The following BEAN1 variants were observed in gnomAD, a reference collection of about 807,000 sequenced individuals.
BEAN1 encodes the protein brain expressed associated with NEDD4 1.
In BEAN1, 17 loss-of-function variants were observed where a neutral mutation model predicts 17.7. The observed-to-expected ratio is 0.96, with a 90% CI of 0.66 to 1.44. BEAN1 has a LOEUF of 1.44. Ranked by LOEUF, BEAN1 falls within the 40% of genes most tolerant of loss-of-function variation. The pLI, the probability that BEAN1 is intolerant of heterozygous loss-of-function variation, is 0.00. For synonymous variants in BEAN1, 142 were observed against 151.8 expected (o/e 0.94, Z 0.47); for missense variants, 359 against 374.1 (o/e 0.96, Z 0.33).
chr16:66,494,649 T>G (rs1294621887), downstream of BEAN1, among the ~76,000 whole-genome samples: 4 of 152,204 alleles, frequency 2.6e-5, no homozygotes, highest in African/African-American at 7.2e-5. Flanking sequence ...GACAACTGGA[T>G]GTGTAGTACA....
intron 4 of BEAN1, among the ~76,000 whole-genome samples, chr16:66,490,123 G>C (rs1210128313): frequency 6.8e-6 from 1 of 146,386 alleles, no homozygotes; most frequent in African/African-American, 2.5e-5. Context: ...GCTCATGCCT[G>C]TAATCTCAGC....
At chr16:66,485,103 G>C (rs1414996138), downstream of BEAN1, 3 of 454,158 alleles carry the variant, frequency 6.6e-6, no homozygotes, top group East Asian at 2.1e-4. Context: ...AGGGCGGAAG[G>C]AGGGTTGATA....
downstream of BEAN1, chr16:66,485,920 C>T (rs1285255032): frequency 6.6e-6 from 1 of 152,300 alleles, no homozygotes; most frequent in Non-Finnish European, 1.5e-5. Flanking sequence ...CAACTTGAAT[C>T]TTCATGAGCA....
intron 3 of BEAN1, 160 bp downstream of exon 3, chr16:66,470,025 C>T: frequency 9.8e-7 from 1 of 1,016,926 alleles, no homozygotes; most frequent in Non-Finnish European, 1.4e-6. Flanking sequence ...AGGCGCCCAC[C>T]ATAATGTTCT....
intron 2 of BEAN1, among the ~76,000 whole-genome samples, chr16:66,445,331 C>T (rs1371771315): frequency 1.3e-5 from 2 of 151,656 alleles, no homozygotes; most frequent in African/African-American, 4.9e-5. Context: ...AAAAAATTAG[C>T]CGGGCGTGGT....
intron 2 of BEAN1, among the ~76,000 whole-genome samples, chr16:66,450,256 C>T (rs1962620387): frequency 6.6e-6 from 1 of 152,192 alleles, no homozygotes. Context: ...TGATGAAACA[C>T]ATGCAGGAGA....
chr16:66,444,834 G>T (rs73592637), intron 2 of BEAN1, among the ~76,000 whole-genome samples: 3,760 of 152,274 alleles, frequency 0.025, 150 homozygotes, highest in African/African-American at 0.087. Context: ...CGGCACTGTG[G>T]CGGGAGCATT....
At chr16:66,440,910 T>C (rs1231259913) in intron 2 of BEAN1, among the ~76,000 whole-genome samples, 1 of 152,134 alleles carries the variant, frequency 6.6e-6, no homozygotes, top group East Asian at 1.9e-4. Flanking sequence ...TGAACCTCAG[T>C]TCCCCTCCTA....
Position 66,434,785 on chromosome 16 carries a change from T to G in BEAN1, c.-82-2810T>G, listed in dbSNP as rs534997883. Among the ~76,000 whole-genome samples, 529 of 152,238 alleles carry G rather than the reference T, an allele frequency of 3.5e-3. 2 individuals carry two copies. The highest frequency in any genetic ancestry group is 0.012 in the African/African-American group (512 of 41,560). ...CCTCCTCTTCAGCAAGCCAAGCACC[T>G]TTGAAAGGCAGCCTCCACCCCTCAG... On this transcript the variant is annotated intron_variant, in intron 1 of 4. Transcript: ENST00000536005. The surrounding 1 kb of genome is among the most constrained non-coding windows in gnomAD (Gnocchi z 4.3).
At chr16:66,490,604 A>C (rs1270881672) in intron 4 of BEAN1, among the ~76,000 whole-genome samples, 1 of 152,084 alleles carries the variant, frequency 6.6e-6, no homozygotes, top group Non-Finnish European at 1.5e-5. Context: ...TGGTTGGTTG[A>C]GGGTCGCCAC....
At chr16:66,475,296 G>T (rs1421039705) in intron 3 of BEAN1, among the ~76,000 whole-genome samples, 1 of 152,112 alleles carries the variant, frequency 6.6e-6, no homozygotes, top group Non-Finnish European at 1.5e-5. Flanking sequence ...GCACCTTAGG[G>T]CAGCCTCAGT....
At chr16:66,470,994 G>A (rs920790490) in intron 3 of BEAN1, among the ~76,000 whole-genome samples, 1 of 152,248 alleles carries the variant, frequency 6.6e-6, no homozygotes, top group Non-Finnish European at 1.5e-5. Context: ...TCACACTGCA[G>A]GGTGAAGTGA....
chr16:66,437,365 A>AC (rs1962068285), intron 1 of BEAN1, among the ~76,000 whole-genome samples: 1 of 149,316 alleles, frequency 6.7e-6, no homozygotes, highest in African/African-American at 2.5e-5. Context: ...CCTCCCCACC[A>AC]CCCCCCACCA....
At chr16:66,459,407 C>T (rs1446419778) in intron 2 of BEAN1, among the ~76,000 whole-genome samples, 1 of 152,150 alleles carries the variant, frequency 6.6e-6, no homozygotes, top group African/African-American at 2.4e-5. Context: ...GCAACCTCTG[C>T]CTCCTGGGTT....
chr16:66,437,640 G>T lies in BEAN1; in HGVS notation c.-37G>T. 6.5e-7 allele frequency: 1 copy of T among 1,534,462 alleles called. No individual in the cohort carries two copies. The highest frequency in any genetic ancestry group is 8.7e-7 in the Non-Finnish European group (1 of 1,145,604). On this transcript the variant is annotated 5_prime_UTR_variant, in exon 2 of 5. Transcript: ENST00000536005. Reference sequence around the variant, plus strand: ...TGCGAGAAGTCAGAGCTGTGCCCGTGGGCAGGCTGGCTCCGCTGTTCTGCT... The same window carrying T: ...TGCGAGAAGTCAGAGCTGTGCCCGTTGGCAGGCTGGCTCCGCTGTTCTGCT...
chr16:66,463,140 C>T (rs1447991485), intron 2 of BEAN1, among the ~76,000 whole-genome samples: 1 of 152,126 alleles, frequency 6.6e-6, no homozygotes, highest in African/African-American at 2.4e-5. Context: ...CTTATGTTTC[C>T]ATTTTTCTTG....
In BEAN1 at chr16:66,480,841, G is replaced by A. The variant is rs372815486; in HGVS notation, c.696G>A (p.Pro232=). 7.7e-5 allele frequency: 118 copies of A among 1,526,004 alleles called. 1 individual carries two copies. The East Asian group carries it at 1.8e-3, about 24-fold the overall frequency. The allele number at this position is 1,526,004 out of a possible 1,614,324, so 94.5% of individuals were successfully genotyped here. A position where few individuals can be genotyped will look rare whatever the true frequency, so the allele number is the denominator to read the frequency against. Residue 232 remains proline, a synonymous_variant, in exon 5 of 5, where the codon CCG becomes CCA. Coordinates refer to ENST00000536005, the MANE Select transcript of BEAN1 (RefSeq NM_001178020.3). The part of the protein sequence containing the change: ...AGPPSGLLPL[P]GPDPGPRGSQ... ...CCCCATCAGGCCTGCTGCCACTGCC[G>A]GGCCCAGACCCAGGGCCAAGGGGCT...
intron 2 of BEAN1, among the ~76,000 whole-genome samples, chr16:66,449,692 C>T (rs1433459447): frequency 1.3e-5 from 2 of 151,458 alleles, no homozygotes; most frequent in African/African-American, 4.9e-5. Flanking sequence ...AAGGTACCTC[C>T]AATGCTTTAA....
At chr16:66,494,031 C>G (rs1964214485), downstream of BEAN1, among the ~76,000 whole-genome samples, 1 of 152,204 alleles carries the variant, frequency 6.6e-6, no homozygotes, top group African/African-American at 2.4e-5. Context: ...AGCACCCCAG[C>G]ACCCACTATA....
Sources: gnomAD v4.1 joint callset for allele counts (sites outside exome capture counted in the v4.1 genomes callset) on GRCh38, gnomAD v4.1.1 for gene constraint, Gnocchi (gnomAD v3.1) non-coding constraint, MANE v1.5 for transcripts, NCBI Gene and HGNC (gene_info 2026-07-23, HGNC 2026-07-21) for gene names.